The following OBI1 variants were observed in gnomAD, a reference collection of about 807,000 sequenced individuals.
The protein encoded by OBI1 is ring finger protein 219.
In OBI1, 59 loss-of-function variants were observed where a neutral mutation model predicts 62.4. That is an observed-to-expected ratio of 0.95 (90% confidence interval 0.77 to 1.17). OBI1 has a LOEUF of 1.17. Ranked by LOEUF, OBI1 falls within the 50% of genes most tolerant of loss-of-function variation. OBI1 has a pLI of 0.00. For synonymous variants in OBI1, 302 were observed against 292.8 expected (o/e 1.03, Z -0.32); for missense variants, 875 against 830.9 (o/e 1.05, Z -0.65).
At chr13:78,617,601 T>C (rs1566274818) in intron 5 of OBI1, among the ~76,000 whole-genome samples, 1 of 152,202 alleles carries the variant, frequency 6.6e-6, no homozygotes, top group African/African-American at 2.4e-5. Context: ...AAATGCCAAT[T>C]TGAAATTCAG....
At chr13:78,653,833 T>A (rs537941967) in intron 1 of OBI1, among the ~76,000 whole-genome samples, 1 of 152,290 alleles carries the variant, frequency 6.6e-6, no homozygotes, top group African/African-American at 2.4e-5. Context: ...GTCAAAACTT[T>A]ATCGGTTTCT....
chr13:78,642,129 T>C lies in OBI1; in HGVS notation c.293A>G (p.Glu98Gly). The change falls in exon 3 of 6, where the codon GAA (glutamate) becomes GGA (glycine). Residue 98 changes from glutamate (E) to glycine (G), a missense_variant. Transcript: ENST00000282003. ...RKTRLELLHK[E>G]YEDEIDCLQK... ...ACTTTGATTACTGTTTACCTCATAT[T>C]CTTTGTGTAGTAATTCAAGTCTAGT... 1.3e-6 allele frequency: 2 copies of C among 1,586,428 alleles called. No individual in the cohort carries two copies. The highest frequency in any genetic ancestry group is 1.7e-6 in the Non-Finnish European group (2 of 1,155,090).
At chr13:78,646,513 A>C (rs907442876) in intron 1 of OBI1, among the ~76,000 whole-genome samples, 27 of 152,332 alleles carry the variant, frequency 1.8e-4, no homozygotes, top group African/African-American at 6.5e-4. Context: ...CACTTGATTT[A>C]CATGGTCTCT....
chr13:78,635,106 A>G lies in OBI1; in HGVS notation c.638+4T>C, dbSNP rs201348867. On this transcript the variant is annotated splice_donor_region_variant and intron_variant, in intron 5 of 5. Transcript: ENST00000282003. The stretch of plus-strand genomic sequence containing the variant: ...AAGCATTGCTCTGGGAGCAAAATAC[A>G]TACTTTTGAGGTGATCTGTTATCAA... 31 of 1,574,070 alleles carry G rather than the reference A, an allele frequency of 2.0e-5. No individual in the cohort carries two copies. Among genetic ancestry groups the G allele is most frequent in the Admixed American group, 8.7e-5 (5 of 57,294 alleles).
At chr13:78,648,496 A>G (rs1038203137) in intron 1 of OBI1, among the ~76,000 whole-genome samples, 2 of 152,158 alleles carry the variant, frequency 1.3e-5, no homozygotes, top group Non-Finnish European at 2.9e-5. Context: ...ACATTATATG[A>G]GAGGATTCAA....
At chr13:78,657,456 C>CT (rs34291124) in intron 1 of OBI1, among the ~76,000 whole-genome samples, 81,296 of 151,880 alleles carry the variant, frequency 0.54, 23,958 homozygotes, top group Middle Eastern at 0.69. Context: ...ACCACAGACT[C>CT]TAAGCTTTAA....
At chr13:78,626,724 G>A (rs1398613945) in intron 5 of OBI1, among the ~76,000 whole-genome samples, 3 of 152,142 alleles carry the variant, frequency 2.0e-5, no homozygotes, top group African/African-American at 7.2e-5. Context: ...TAGAGAAGAG[G>A]CAAGGATATT....
chr13:78,615,609 C>A lies in OBI1; in HGVS notation c.2152G>T (p.Ala718Ser). 6.2e-7 allele frequency: 1 copy of A among 1,610,908 alleles called. No homozygotes were observed. The highest frequency in any genetic ancestry group is 1.3e-5 in the African/African-American group (1 of 74,820). The change falls in exon 6 of 6, where the codon GCC (alanine) becomes TCC (serine). Residue 718 changes from alanine (A) to serine (S), a missense_variant. Ala to Ser is a moderately conservative substitution (Grantham distance 99). Transcript: ENST00000282003. ...KRKIQSSLSSASPSKATKS is the reference protein window; with the variant it reads ...KRKIQSSLSSSSPSKATKS ...CTTTTAGTTGCTTTTGATGGGCTGG[C>A]ACTGGAAAGGCTGCTCTGGATTTTT... is the stretch of plus-strand genomic sequence containing the variant.
At chr13:78,656,797 T>A (rs1401914456) in intron 1 of OBI1, among the ~76,000 whole-genome samples, 11 of 138,774 alleles carry the variant, frequency 7.9e-5, no homozygotes, top group South Asian at 4.9e-4. Flanking sequence ...TTTTAATTTT[T>A]TTTTTTTTTT....
chr13:78,641,182 C>T (rs1311305073), intron 3 of OBI1, among the ~76,000 whole-genome samples: 1 of 152,166 alleles, frequency 6.6e-6, no homozygotes, highest in Non-Finnish European at 1.5e-5. Context: ...TGTTTACCAT[C>T]TGAGTATGAT....
intron 1 of OBI1, among the ~76,000 whole-genome samples, chr13:78,647,356 T>C (rs1037880804): frequency 3.3e-5 from 5 of 152,182 alleles, no homozygotes; most frequent in African/African-American, 7.2e-5. Context: ...AGTTCTGAAA[T>C]AGGAGAAAAA....
At chr13:78,626,753 A>G (rs1375021407) in intron 5 of OBI1, among the ~76,000 whole-genome samples, 1 of 152,174 alleles carries the variant, frequency 6.6e-6, no homozygotes. Context: ...GTTATATAGT[A>G]AAGACCCTTT....
chr13:78,647,329 C>T (rs1278122357), intron 1 of OBI1, among the ~76,000 whole-genome samples: 2 of 152,254 alleles, frequency 1.3e-5, no homozygotes, highest in Admixed American at 1.3e-4. Flanking sequence ...GTATAAAACC[C>T]TACTGTACAT....
rs1876556382 is a variant in OBI1, at chr13:78,651,913, A to G, written c.73-6916T>C. 2.0e-5 allele frequency among the ~76,000 whole-genome samples: 3 copies of G among 152,184 alleles called. No individual in the cohort carries two copies. The South Asian group carries it at 6.2e-4, about 32-fold the overall frequency. The stretch of plus-strand genomic sequence containing the variant: ...AATGAAAGGCTGAGATAACAATCCT[A>G]AAAGTGCTTCAAGCAGCAAAAGGTC... On this transcript the variant is annotated intron_variant, in intron 1 of 5. Transcript: ENST00000282003.
chr13:78,615,255 T>C lies in OBI1; in HGVS notation c.*325A>G, dbSNP rs932485247. ...TAACATTTTTTAAAAAAACAATGTA[T>C]ATCCAACCGAGATACATATCAAATT... is the stretch of plus-strand genomic sequence containing the variant. On this transcript the variant is annotated 3_prime_UTR_variant, in exon 6 of 6. Coordinates refer to ENST00000282003, the MANE Select transcript of OBI1 (RefSeq NM_024546.4). The C allele has an allele frequency of 1.5e-5, 3 of 206,260 alleles. No homozygotes were observed. The highest frequency in any genetic ancestry group is 1.2e-4 in the East Asian group (1 of 8,416). 12.8% of individuals were successfully genotyped at this position (206,260 alleles called of 1,614,324 possible). A position where few individuals can be genotyped will look rare whatever the true frequency, so the allele number is the denominator to read the frequency against.
chr13:78,647,663 G>A (rs1273186138), intron 1 of OBI1, among the ~76,000 whole-genome samples: 1 of 152,206 alleles, frequency 6.6e-6, no homozygotes, highest in Non-Finnish European at 1.5e-5. Context: ...TCCTCCATAT[G>A]CTGAGCACCA....
At chr13:78,628,750 G>A (rs1034972758) in intron 5 of OBI1, among the ~76,000 whole-genome samples, 3 of 152,074 alleles carry the variant, frequency 2.0e-5, no homozygotes, top group South Asian at 2.1e-4. Flanking sequence ...GGGAAAGGAC[G>A]GACAAAATGG....
chr13:78,616,257 TCTCA>T lies in OBI1; in HGVS notation c.1500_1503del (p.Ser500ArgfsTer11), dbSNP rs1322939612. 2 of 1,613,750 alleles carry T rather than the reference TCTCA, an allele frequency of 1.2e-6. No homozygotes were observed. Among genetic ancestry groups the T allele is most frequent in the South Asian group, 1.1e-5 (1 of 91,036 alleles). Reference sequence around the variant, plus strand: ...CTTTTGGATAAACATAAGCCTGATTTCTCACTCAATTTTGAAGATATTTCTCCAA... The same window carrying T: ...CTTTTGGATAAACATAAGCCTGATTTCTCAATTTTGAAGATATTTCTCCAA... On this transcript the variant is annotated frameshift_variant, in exon 6 of 6. Coordinates refer to ENST00000282003, the MANE Select transcript of OBI1 (RefSeq NM_024546.4). LOFTEE classifies it high-confidence loss of function.
chr13:78,637,470 T>C (rs550759845), intron 4 of OBI1, among the ~76,000 whole-genome samples: 2 of 152,318 alleles, frequency 1.3e-5, no homozygotes, highest in African/African-American at 2.4e-5. Context: ...TTAATATCCA[T>C]CCCTCATATC....
Sources: gnomAD v4.1 joint callset for allele counts (sites outside exome capture counted in the v4.1 genomes callset) on GRCh38, gnomAD v4.1.1 for gene constraint, MANE v1.5 for transcripts, NCBI Gene and HGNC (gene_info 2026-07-23, HGNC 2026-07-21) for gene names.